Variants in PANK1 observed in about 807,000 individuals in gnomAD.
PANK1 encodes pantothenate kinase 1.
A neutral mutation model predicts 40.1 loss-of-function variants in PANK1; 18 were observed. The observed-to-expected ratio is 0.45, with a 90% CI of 0.31 to 0.67. The LOEUF (loss-of-function observed/expected upper bound fraction) is 0.67. PANK1 is among the 30% of genes least tolerant of loss of function. PANK1 has a pLI of 0.06. For missense variants in PANK1, 457 were observed against 599.6 expected (o/e 0.76, Z 2.48); for synonymous variants, 242 against 237.7 (o/e 1.02, Z -0.17).
chr10:89,579,513 CTT>C (rs965809516), downstream of PANK1: 2 of 152,090 alleles, frequency 1.3e-5, no homozygotes, highest in Non-Finnish European at 2.9e-5. Context: ...TACGTGATAA[CTT>C]TATTTTAAAT....
chr10:89,598,127 C>G (rs1487348022), intron 3 of PANK1, among the ~76,000 whole-genome samples: 1 of 152,156 alleles, frequency 6.6e-6, no homozygotes, highest in East Asian at 1.9e-4. Context: ...GACCTCTACC[C>G]ACTAGATGCC....
intron 2 of PANK1, among the ~76,000 whole-genome samples, chr10:89,602,821 T>C (rs1051094873): frequency 2.0e-5 from 3 of 152,196 alleles, no homozygotes; most frequent in Non-Finnish European, 4.4e-5. Context: ...CTGTCCACTG[T>C]TGCCATGTGA....
At chr10:89,605,622 C>T (rs142499351) in intron 2 of PANK1, among the ~76,000 whole-genome samples, 12 of 152,274 alleles carry the variant, frequency 7.9e-5, no homozygotes, top group Non-Finnish European at 1.5e-4. Flanking sequence ...ACCATATCTG[C>T]GGTTACTTTC....
chr10:89,611,688 C>T lies in PANK1; in HGVS notation c.645+8G>A, dbSNP rs7896079. ...TTTGATGTTTTAACAAAGACAAACC[C>T]GACCTACCATTCTGAAGTCCTCTTC... On this transcript the variant is annotated splice_region_variant and intron_variant, in intron 2 of 6. Transcript: ENST00000307534. 1 of 1,584,982 alleles carries T rather than the reference C, an allele frequency of 6.3e-7. No homozygotes were observed. The highest frequency in any genetic ancestry group is 8.6e-7 in the Non-Finnish European group (1 of 1,162,094).
chr10:89,633,620 G>C (rs954416257), intron 1 of PANK1, among the ~76,000 whole-genome samples: 3 of 152,060 alleles, frequency 2.0e-5, no homozygotes. Context: ...CTCACACACA[G>C]GGTTTAGTGA....
chr10:89,643,605 C>T (rs187170357), intron 1 of PANK1: 39 of 1,000,452 alleles, frequency 3.9e-5, no homozygotes, highest in Admixed American at 1.5e-4. Context: ...TAAACTTTCA[C>T]AGAAATCCAA....
At chr10:89,621,307 A>AG (rs1047959127) in intron 1 of PANK1, among the ~76,000 whole-genome samples, 1 of 151,204 alleles carries the variant, frequency 6.6e-6, no homozygotes, top group African/African-American at 2.4e-5. Context: ...TGTCTCATAA[A>AG]AAAAAAAAAA....
chr10:89,630,660 T>C (rs966632145), intron 1 of PANK1, among the ~76,000 whole-genome samples: 1 of 151,998 alleles, frequency 6.6e-6, no homozygotes, highest in African/African-American at 2.4e-5. Context: ...GCCCGGCTAA[T>C]TTTTTGTATT....
intron 1 of PANK1, among the ~76,000 whole-genome samples, chr10:89,635,913 C>T (rs1333121312): frequency 6.6e-6 from 1 of 152,224 alleles, no homozygotes; most frequent in Admixed American, 6.5e-5. Flanking sequence ...CTTAAGGCTC[C>T]AGAGTAATCT....
chr10:89,644,560 G>A, intron 1 of PANK1, 40 bp downstream of exon 1: 2 of 1,549,530 alleles, frequency 1.3e-6, no homozygotes, highest in African/African-American at 1.4e-5. Flanking sequence ...CGCACGCTGC[G>A]TCTGCCTTGC....
intron 1 of PANK1, among the ~76,000 whole-genome samples, chr10:89,641,341 C>G (rs903760461): frequency 6.6e-6 from 1 of 152,040 alleles, no homozygotes; most frequent in African/African-American, 2.4e-5. Context: ...GAAATTAAAG[C>G]CTTATACTTT....
chr10:89,601,053 T>C (rs961168751), intron 2 of PANK1, among the ~76,000 whole-genome samples: 3 of 152,132 alleles, frequency 2.0e-5, no homozygotes, highest in Non-Finnish European at 4.4e-5. Flanking sequence ...TATCTCCCAA[T>C]GACTTGCTGT....
chr10:89,595,859 T>A (rs1844576006), intron 3 of PANK1, among the ~76,000 whole-genome samples: 1 of 116,140 alleles, frequency 8.6e-6, no homozygotes, highest in African/African-American at 3.7e-5. Flanking sequence ...TATATATATA[T>A]ATATATATAT....
At chr10:89,588,943 T>C (rs1485782950) in intron 5 of PANK1, among the ~76,000 whole-genome samples, 166 bp from the exon 6 acceptor site, 2 of 152,170 alleles carry the variant, frequency 1.3e-5, no homozygotes, top group African/African-American at 4.8e-5. Flanking sequence ...ACCAACCTTA[T>C]AGTGCATTCC....
intron 2 of PANK1, among the ~76,000 whole-genome samples, chr10:89,604,157 A>G (rs1359895846): frequency 1.3e-5 from 2 of 152,202 alleles, no homozygotes; most frequent in Admixed American, 1.3e-4. Context: ...TTTAATGTCA[A>G]CCGAATAAGA....
intron 2 of PANK1, among the ~76,000 whole-genome samples, chr10:89,602,295 T>A (rs1844811595): frequency 6.6e-6 from 1 of 152,240 alleles, no homozygotes; most frequent in Admixed American, 6.5e-5. Context: ...TCCCTAAAAA[T>A]TATTTTCTAA....
intron 1 of PANK1, among the ~76,000 whole-genome samples, chr10:89,640,230 G>C (rs919931911): frequency 6.6e-6 from 1 of 152,086 alleles, no homozygotes; most frequent in African/African-American, 2.4e-5. Flanking sequence ...TTCATTACTG[G>C]GTAAATCGAA....
At chr10:89,613,955 T>C (rs746685668) in intron 1 of PANK1, 1 of 456,636 alleles carries the variant, frequency 2.2e-6, no homozygotes, top group Non-Finnish European at 4.4e-6. Context: ...AATTTCCTTA[T>C]CTGTAAAAGG....
intron 3 of PANK1, among the ~76,000 whole-genome samples, chr10:89,595,829 AAAAAAT>A (rs1179782764): frequency 3.1e-4 from 21 of 66,672 alleles, no homozygotes; most frequent in African/African-American, 1.3e-3. Context: ...AAAAAAAAAA[AAAAAAT>A]ATATATATAT....
Sources: gnomAD v4.1 joint callset for allele counts (sites outside exome capture counted in the v4.1 genomes callset) on GRCh38, gnomAD v4.1.1 for gene constraint, MANE v1.5 for transcripts, NCBI Gene and HGNC (gene_info 2026-07-23, HGNC 2026-07-21) for gene names.